The following ADARB2 variants were observed in gnomAD, a reference collection of about 807,000 sequenced individuals.
ADARB2 encodes inactive double-stranded RNA-specific editase B2.
In ADARB2, 25 loss-of-function variants were observed where a neutral mutation model predicts 62.2. That is an observed-to-expected ratio of 0.40 (90% CI 0.29 to 0.56). The LOEUF is 0.56. Ranked by LOEUF, ADARB2 falls within the 20% of genes least tolerant of loss-of-function variation. ADARB2 has a pLI of 0.43. For missense variants in ADARB2, 1,071 were observed against 1,077.4 expected (o/e 0.99, Z 0.08); for synonymous variants, 572 against 500.8 (o/e 1.14, Z -1.90).
intron 1 of ADARB2, among the ~76,000 whole-genome samples, chr10:1,525,114 A>G (rs1430761124): frequency 6.6e-6 from 1 of 152,202 alleles, no homozygotes; most frequent in East Asian, 1.9e-4. Context: ...ATGCCAGGAA[A>G]CCACCCCAGA....
chr10:1,431,244 A>C (rs958134974), intron 1 of ADARB2, among the ~76,000 whole-genome samples: 2 of 152,232 alleles, frequency 1.3e-5, no homozygotes, highest in Admixed American at 1.3e-4. Flanking sequence ...GTGTTCCTTG[A>C]CCATAAAGGA....
chr10:1,279,523 T>G (rs1192548943), intron 3 of ADARB2, among the ~76,000 whole-genome samples: 1 of 152,184 alleles, frequency 6.6e-6, no homozygotes, highest in African/African-American at 2.4e-5. Flanking sequence ...AATGTGTTGC[T>G]CAGGCTGGTC....
rs568562339 is a variant in ADARB2 at position 1,278,680 on chromosome 10, G to A, written c.1078-7611C>T. ...CCTCAGTCTCTAAAACTCCTTCCTA[G>A]GCCCGAAAGGTTTCCTATTCCCCTG... On this transcript the variant is annotated intron_variant, in intron 3 of 9. Transcript: ENST00000381312. Among the ~76,000 whole-genome samples the A allele has an allele frequency of 4.4e-4, 66 of 151,642 alleles. 1 individual carries two copies. Among genetic ancestry groups the A allele is most frequent in the Non-Finnish European group, 8.8e-4 (60 of 67,958 alleles).
intron 1 of ADARB2, among the ~76,000 whole-genome samples, chr10:1,514,716 A>G (rs1454639602): frequency 3.9e-5 from 6 of 152,222 alleles, no homozygotes; most frequent in Admixed American, 2.0e-4. Context: ...TGGCTACTGC[A>G]CTGGACCGCC....
intron 1 of ADARB2, among the ~76,000 whole-genome samples, chr10:1,427,004 T>G (rs1311579118): frequency 6.6e-6 from 1 of 152,246 alleles, no homozygotes; most frequent in Non-Finnish European, 1.5e-5. Context: ...TGCAGGCACG[T>G]GTGTACTCCG....
rs897348462 is a variant in ADARB2 at position 1,491,421 on chromosome 10, T to A, written c.101-112261A>T. ...GAAACCTTTTATTTAACTGGAGTTT[T>A]ACAATCTTACTGACACCTAGCATTT... On this transcript the variant is annotated intron_variant, in intron 1 of 9. Coordinates refer to ENST00000381312, the MANE Select transcript of ADARB2 (RefSeq NM_018702.4). Among the ~76,000 whole-genome samples, 6 of 152,198 alleles carry A rather than the reference T, an allele frequency of 3.9e-5. 1 individual carries two copies. In the South Asian group the frequency reaches 6.2e-4, roughly 16 times the overall value.
intron 1 of ADARB2, among the ~76,000 whole-genome samples, chr10:1,651,677 G>A (rs984990214): frequency 1.1e-4 from 17 of 152,110 alleles, no homozygotes; most frequent in East Asian, 9.6e-4. Context: ...GGCACATTTC[G>A]TGCAGAATAA....
At chr10:1,183,881 G>C (rs1157880430) in intron 9 of ADARB2, among the ~76,000 whole-genome samples, 4 of 152,224 alleles carry the variant, frequency 2.6e-5, no homozygotes, top group Non-Finnish European at 5.9e-5. Flanking sequence ...ATGGGGCCAT[G>C]GGGGAGCTCC....
intron 1 of ADARB2, among the ~76,000 whole-genome samples, chr10:1,579,686 G>A (rs1215746018): frequency 1.3e-5 from 2 of 152,208 alleles, no homozygotes; most frequent in Non-Finnish European, 2.9e-5. Flanking sequence ...ATTTAAATAT[G>A]CTAGTTTATC....
At chr10:1,560,264 C>A (rs1429811475) in intron 1 of ADARB2, among the ~76,000 whole-genome samples, 4 of 152,154 alleles carry the variant, frequency 2.6e-5, no homozygotes, top group African/African-American at 9.7e-5. Context: ...TTGTTCCTGC[C>A]AAGAGGTCAG....
chr10:1,386,697 T>C (rs1390732034), intron 1 of ADARB2, among the ~76,000 whole-genome samples: 1 of 151,902 alleles, frequency 6.6e-6, no homozygotes, highest in East Asian at 1.9e-4. Context: ...GAAACATACA[T>C]AATGCTAGTT....
chr10:1,305,471 G>A (rs1411758537), intron 3 of ADARB2, among the ~76,000 whole-genome samples: 1 of 151,550 alleles, frequency 6.6e-6, no homozygotes, highest in Non-Finnish European at 1.5e-5. Flanking sequence ...TCTACCAGAG[G>A]TACAAGGAGG....
intron 5 of ADARB2, among the ~76,000 whole-genome samples, chr10:1,240,841 T>A (rs1830913465): frequency 1.3e-5 from 2 of 152,132 alleles, no homozygotes; most frequent in Non-Finnish European, 2.9e-5. Flanking sequence ...CAGGTGGACA[T>A]TTAGGAGAAA....
In ADARB2 at chr10:1,737,486, C is replaced by T; in HGVS notation, c.-336G>A. On this transcript the variant is annotated 5_prime_UTR_variant, in exon 1 of 10. Coordinates refer to ENST00000381312, the MANE Select transcript of ADARB2 (RefSeq NM_018702.4). ...CTGGGCTCCCAGCGCAGGGAGGCTA[C>T]TTTTGCGCCTCTGCTAGTTGTTTGG... 1 of 315,524 alleles carries T rather than the reference C, an allele frequency of 3.2e-6. No homozygotes were observed. Among genetic ancestry groups the T allele is most frequent in the South Asian group, 5.3e-5 (1 of 18,934 alleles). The allele number at this position is 315,524 out of a possible 1,614,324, so 19.5% of individuals were successfully genotyped here.
intron 1 of ADARB2, among the ~76,000 whole-genome samples, chr10:1,498,406 A>ATAAATAAATAAG (rs938703754): frequency 2.1e-5 from 3 of 141,240 alleles, no homozygotes; most frequent in African/African-American, 7.5e-5. Flanking sequence ...AAATAAATAA[A>ATAAATAAATAAG]TAAGTAATTT....
chr10:1,389,787 TAAATAAA>T (rs1564277133), intron 1 of ADARB2, among the ~76,000 whole-genome samples: 1 of 112,844 alleles, frequency 8.9e-6, no homozygotes, highest in East Asian at 3.0e-4. Flanking sequence ...AAATAAATAA[TAAATAAA>T]AAATAAAGGC....
At chr10:1,476,330 C>A (rs1831400578) in intron 1 of ADARB2, among the ~76,000 whole-genome samples, 1 of 152,160 alleles carries the variant, frequency 6.6e-6, no homozygotes, top group African/African-American at 2.4e-5. Context: ...TGGCAAGGGC[C>A]CTTGGCAGGG....
At chr10:1,641,695 A>T (rs1833980542) in intron 1 of ADARB2, among the ~76,000 whole-genome samples, 1 of 152,174 alleles carries the variant, frequency 6.6e-6, no homozygotes, top group South Asian at 2.1e-4. Context: ...CGTTAAGATT[A>T]TTTCCTTATA....
intron 1 of ADARB2, among the ~76,000 whole-genome samples, chr10:1,576,962 G>A (rs1833028982): frequency 6.6e-6 from 1 of 152,186 alleles, no homozygotes; most frequent in Non-Finnish European, 1.5e-5. Flanking sequence ...GTGACAGCGG[G>A]CCTCAGGCTC....
Sources: allele counts gnomAD v4.1 joint callset (sites outside exome capture counted in the v4.1 genomes callset), GRCh38; gene constraint gnomAD v4.1.1; transcripts MANE v1.5; gene names NCBI Gene and HGNC (gene_info 2026-07-23, HGNC 2026-07-21).